Variants in DCDC2C observed in about 807,000 individuals in gnomAD.
The protein encoded by DCDC2C is doublecortin domain containing 2C.
Under a neutral mutation model 45.0 loss-of-function variants are expected in DCDC2C, and 44 were observed. That is an observed-to-expected ratio of 0.98 (90% CI 0.77 to 1.26). The LOEUF (loss-of-function observed/expected upper bound fraction) is 1.26, where lower values mean the gene tolerates loss of function less well. Ranked by LOEUF, DCDC2C falls within the 50% of genes most tolerant of loss-of-function variation. The pLI is 0.00. For synonymous variants in DCDC2C, 187 were observed against 178.8 expected (o/e 1.05, Z -0.37); for missense variants, 447 against 468.9 (o/e 0.95, Z 0.43).
intron 10 of DCDC2C, among the ~76,000 whole-genome samples, chr2:3,837,622 A>AT (rs1558249632): frequency 1.6e-5 from 2 of 124,580 alleles, no homozygotes; most frequent in African/African-American, 2.8e-5. Flanking sequence ...GAAACTGAGG[A>AT]AGAAATCAGC....
intron 8 of DCDC2C, 144 bp downstream of exon 8, chr2:3,769,555 C>T (rs1670109865): frequency 2.8e-5 from 20 of 712,336 alleles, no homozygotes; most frequent in South Asian, 2.5e-4. Flanking sequence ...AGAGACTGCT[C>T]ATCTCAGATC....
intron 10 of DCDC2C, among the ~76,000 whole-genome samples, chr2:3,841,029 C>G (rs1307518652): frequency 6.6e-6 from 1 of 152,200 alleles, no homozygotes; most frequent in Non-Finnish European, 1.5e-5. Context: ...TTTTGGCGTA[C>G]CGTACGGTGG....
At chr2:3,717,206 T>C (rs12612303) in intron 2 of DCDC2C, among the ~76,000 whole-genome samples, 37,430 of 151,990 alleles carry the variant, frequency 0.25, 5,248 homozygotes, top group Non-Finnish European at 0.31. Flanking sequence ...TCCATAATCA[T>C]CCATGTGCCA....
chr2:3,791,434 G>C (rs2148190437), intron 10 of DCDC2C, among the ~76,000 whole-genome samples: 1 of 152,292 alleles, frequency 6.6e-6, no homozygotes, highest in East Asian at 1.9e-4. Flanking sequence ...AAGCAGTTTT[G>C]TTGTATTCAC....
At chr2:3,767,391 CT>C (rs767465038) in intron 6 of DCDC2C, among the ~76,000 whole-genome samples, 2 of 152,216 alleles carry the variant, frequency 1.3e-5, no homozygotes, top group Non-Finnish European at 2.9e-5. Flanking sequence ...TTTTATTCAG[CT>C]TTAAAGAGTG....
chr2:3,788,844 T>G, intron 10 of DCDC2C, among the ~76,000 whole-genome samples: 1 of 19,798 alleles, frequency 5.1e-5, no homozygotes, highest in African/African-American at 2.3e-4. Context: ...TCCCCAACCC[T>G]CCCTCTCTCC....
chr2:3,808,469 G>A (rs1484899051), intron 10 of DCDC2C, among the ~76,000 whole-genome samples: 1 of 151,996 alleles, frequency 6.6e-6, no homozygotes, highest in Non-Finnish European at 1.5e-5. Context: ...TTGGCTCACT[G>A]CAACCTCTGC....
chr2:3,710,626 C>G (rs1358894125), intron 2 of DCDC2C, among the ~76,000 whole-genome samples: 1 of 152,174 alleles, frequency 6.6e-6, no homozygotes, highest in Non-Finnish European at 1.5e-5. Flanking sequence ...TTGCCCCATT[C>G]CCTCCGTCCG....
chr2:3,738,431 T>C (rs961092261), intron 3 of DCDC2C, among the ~76,000 whole-genome samples: 4 of 149,762 alleles, frequency 2.7e-5, no homozygotes, highest in Middle Eastern at 6.4e-3. Flanking sequence ...GAATTCAAAG[T>C]GTGAAGAAAG....
At position 3,710,506 on chromosome 2, in the gene DCDC2C, C is replaced by A. The variant is rs757329672; in HGVS notation, c.339+1906C>A. ...GTTTGCTGAGGATAATGGCTTCCAA[C>A]TCCATCCATGTCCCTGCATGAGTAC... On this transcript the variant is annotated intron_variant, in intron 2 of 10. Transcript: ENST00000399143. Among the ~76,000 whole-genome samples, 155 of 152,256 alleles carry A rather than the reference C, an allele frequency of 1.0e-3. 2 individuals carry two copies. The Middle Eastern group carries it at 0.034, about 33-fold the overall frequency.
chr2:3,826,285 A>C (rs1412008996), intron 10 of DCDC2C, among the ~76,000 whole-genome samples: 1 of 152,184 alleles, frequency 6.6e-6, no homozygotes, highest in African/African-American at 2.4e-5. Flanking sequence ...CAAATTTTTA[A>C]AGTTTTTCAT....
chr2:3,773,034 T>A (rs1308037219), intron 8 of DCDC2C, among the ~76,000 whole-genome samples: 1 of 152,200 alleles, frequency 6.6e-6, no homozygotes, highest in Non-Finnish European at 1.5e-5. Context: ...GTTACCTGGG[T>A]CATCAAAGTG....
intron 10 of DCDC2C, among the ~76,000 whole-genome samples, chr2:3,814,677 T>C (rs1018690868): frequency 1.3e-5 from 2 of 152,242 alleles, no homozygotes; most frequent in African/African-American, 4.8e-5. Context: ...AGTCTGCTGG[T>C]CTGCAGAGAC....
intron 10 of DCDC2C, among the ~76,000 whole-genome samples, chr2:3,793,546 C>T (rs9789761): frequency 0.1 from 15,804 of 152,290 alleles, 1,053 homozygotes; most frequent in East Asian, 0.28. Context: ...GAGCCAGAAA[C>T]ACCACTGGAA....
At chr2:3,802,064 G>C (rs1002157312) in intron 10 of DCDC2C, among the ~76,000 whole-genome samples, 1 of 152,244 alleles carries the variant, frequency 6.6e-6, no homozygotes, top group Non-Finnish European at 1.5e-5. Context: ...CCCTAGGAAA[G>C]AGGTCATTTG....
rs1672360066 is a variant in DCDC2C, at chr2:3,847,388, T to C, written c.*205T>C. ...TCCCTTTCTCAGTGATATTTCTTTT[T>C]AGTAAACATTTTAAAGAATGAAACG... On this transcript the variant is annotated 3_prime_UTR_variant, in exon 11 of 11. Transcript: ENST00000399143. The C allele has an allele frequency of 2.7e-6, 1 of 373,992 alleles. No homozygotes were observed. Among genetic ancestry groups the C allele is most frequent in the Non-Finnish European group, 4.7e-6 (1 of 211,262 alleles). The allele number at this position is 373,992 out of a possible 1,614,324, so 23.2% of individuals were successfully genotyped here.
intron 4 of DCDC2C, among the ~76,000 whole-genome samples, chr2:3,750,497 T>C (rs746403119): frequency 1.3e-5 from 2 of 152,160 alleles, no homozygotes; most frequent in Non-Finnish European, 2.9e-5. Flanking sequence ...AATCTTGTCC[T>C]TTCTGTTTAC....
chr2:3,771,242 G>A (rs1006116533), intron 8 of DCDC2C, among the ~76,000 whole-genome samples: 5 of 152,202 alleles, frequency 3.3e-5, no homozygotes, highest in African/African-American at 1.2e-4. Flanking sequence ...CAGCACACCT[G>A]GGGAGGACGT....
chr2:3,706,314 A>G (rs1183119043), intron 1 of DCDC2C, among the ~76,000 whole-genome samples: 1 of 152,142 alleles, frequency 6.6e-6, no homozygotes, highest in Non-Finnish European at 1.5e-5. Flanking sequence ...ACACCAACAA[A>G]TCTATCCAAT....
Sources: gnomAD v4.1 joint callset for allele counts (sites outside exome capture counted in the v4.1 genomes callset) on GRCh38, gnomAD v4.1.1 for gene constraint, MANE v1.5 for transcripts, NCBI Gene and HGNC (gene_info 2026-07-23, HGNC 2026-07-21) for gene names.